SLC9A9: variants seen among roughly 807,000 people sequenced by gnomAD.
SLC9A9 encodes sodium/hydrogen exchanger 9.
Under a neutral mutation model 77.8 loss-of-function variants are expected in SLC9A9, and 62 were observed. That is an observed-to-expected ratio of 0.80 (90% CI 0.65 to 0.98). The LOEUF is 0.98. Among genes scored for constraint, SLC9A9 ranks in the 50% least tolerant of loss-of-function variants. The pLI is 0.00. For missense variants in SLC9A9, 775 were observed against 774.9 expected (o/e 1.00, Z 0.00); for synonymous variants, 320 against 283.5 (o/e 1.13, Z -1.29).
intron 9 of SLC9A9, among the ~76,000 whole-genome samples, chr3:143,539,813 A>C (rs547155010): frequency 6.6e-6 from 1 of 152,174 alleles, no homozygotes; most frequent in East Asian, 1.9e-4. Flanking sequence ...AAGGACATGA[A>C]ATTTATATGT....
chr3:143,382,150 C>T lies in SLC9A9; in HGVS notation c.1470-36G>A, dbSNP rs368676426. The T allele has an allele frequency of 1.2e-3, 1,894 of 1,611,418 alleles. 4 individuals are homozygous for T. Among genetic ancestry groups the T allele is most frequent in the Middle Eastern group, 2.1e-3 (13 of 6,078 alleles). Reference sequence around the variant, plus strand: ...AAACCAAAAACTGGTCAATCCCCTGCTGCAGAAGGAATGAGACAGTCTTGT... The same window carrying T: ...AAACCAAAAACTGGTCAATCCCCTGTTGCAGAAGGAATGAGACAGTCTTGT... On this transcript the variant is annotated intron_variant, in intron 12 of 15. Transcript: ENST00000316549.
At chr3:143,485,364 C>T (rs1419282786) in intron 11 of SLC9A9, among the ~76,000 whole-genome samples, 7 of 152,050 alleles carry the variant, frequency 4.6e-5, no homozygotes, top group Non-Finnish European at 8.8e-5. Flanking sequence ...TTTTCACCTT[C>T]GATTTTCTTT....
intron 13 of SLC9A9, among the ~76,000 whole-genome samples, chr3:143,376,270 G>A (rs997031594): frequency 2.6e-5 from 4 of 152,184 alleles, no homozygotes; most frequent in Non-Finnish European, 4.4e-5. Context: ...GGAGTTAACA[G>A]GGAAAGGATT....
At chr3:143,268,851 C>T (rs950952236) in intron 15 of SLC9A9, 24 bp downstream of exon 15, 2 of 1,579,504 alleles carry the variant, frequency 1.3e-6, no homozygotes, top group Non-Finnish European at 1.7e-6. Flanking sequence ...ATTCCCTCAC[C>T]CTAGAGGCCT....
chr3:143,628,220 C>A (rs1440943060), intron 6 of SLC9A9, among the ~76,000 whole-genome samples: 1 of 152,152 alleles, frequency 6.6e-6, no homozygotes, highest in Non-Finnish European at 1.5e-5. Flanking sequence ...GGTACAGATG[C>A]ACCTCCACTT....
chr3:143,683,861 G>C (rs1429899093), intron 5 of SLC9A9, among the ~76,000 whole-genome samples: 1 of 151,940 alleles, frequency 6.6e-6, no homozygotes, highest in African/African-American at 2.4e-5. Flanking sequence ...GAACTAACCA[G>C]GTAGGAAGAA....
chr3:143,807,495 T>C (rs570904913), intron 2 of SLC9A9, among the ~76,000 whole-genome samples: 3 of 152,304 alleles, frequency 2.0e-5, no homozygotes, highest in Admixed American at 2.0e-4. Flanking sequence ...ATGATCTATG[T>C]TCCTTCTATT....
At chr3:143,777,090 C>T (rs2007715940) in intron 4 of SLC9A9, among the ~76,000 whole-genome samples, 1 of 152,140 alleles carries the variant, frequency 6.6e-6, no homozygotes, top group African/African-American at 2.4e-5. Context: ...GGCCTCTTCT[C>T]TGACCCCATT....
intron 6 of SLC9A9, among the ~76,000 whole-genome samples, chr3:143,584,695 T>A (rs1480917544): frequency 6.6e-6 from 1 of 152,224 alleles, no homozygotes; most frequent in Non-Finnish European, 1.5e-5. Flanking sequence ...TTTTTTCCAA[T>A]CACTGCTTCC....
At chr3:143,337,522 C>T (rs927768262) in intron 14 of SLC9A9, among the ~76,000 whole-genome samples, 4 of 152,212 alleles carry the variant, frequency 2.6e-5, no homozygotes, top group Non-Finnish European at 4.4e-5. Flanking sequence ...GGCAGAGCAG[C>T]TCCTTCACAG....
At chr3:143,508,471 A>G (rs1442976137) in intron 9 of SLC9A9, among the ~76,000 whole-genome samples, 1 of 152,238 alleles carries the variant, frequency 6.6e-6, no homozygotes, top group Admixed American at 6.5e-5. Context: ...CCAGTGCTGC[A>G]CTTGTCTGAA....
At chr3:143,494,507 T>A (rs1348339541) in intron 10 of SLC9A9, among the ~76,000 whole-genome samples, 1 of 152,208 alleles carries the variant, frequency 6.6e-6, no homozygotes, top group African/African-American at 2.4e-5. Context: ...GAAAAGAGAC[T>A]AAGAAGCAAA....
chr3:143,561,414 A>G (rs1220833349), intron 8 of SLC9A9, among the ~76,000 whole-genome samples: 1 of 152,182 alleles, frequency 6.6e-6, no homozygotes, highest in Non-Finnish European at 1.5e-5. Flanking sequence ...GGGCATAAAA[A>G]TAGACCCAAT....
At chr3:143,777,965 G>A (rs965740232) in intron 4 of SLC9A9, among the ~76,000 whole-genome samples, 3 of 140,628 alleles carry the variant, frequency 2.1e-5, no homozygotes, top group Non-Finnish European at 3.0e-5. Flanking sequence ...CACCCGCCTT[G>A]GCCTCCCAAA....
At chr3:143,681,758 T>C (rs566044454) in intron 5 of SLC9A9, among the ~76,000 whole-genome samples, 1 of 152,356 alleles carries the variant, frequency 6.6e-6, no homozygotes. Flanking sequence ...TCTTTCTTTG[T>C]CAGCTTTTTG....
intron 5 of SLC9A9, among the ~76,000 whole-genome samples, chr3:143,671,751 A>C (rs983041220): frequency 1.3e-5 from 2 of 152,230 alleles, no homozygotes; most frequent in Non-Finnish European, 2.9e-5. Context: ...CACTGTGTGC[A>C]GGTTTGAAAT....
intron 13 of SLC9A9, chr3:143,381,191 A>G (rs1209532056): frequency 1.3e-5 from 2 of 152,174 alleles, no homozygotes; most frequent in African/African-American, 4.8e-5. Context: ...TGTTCCACTC[A>G]AACCTCATCT....
rs2033776270 is a variant in SLC9A9, at chr3:143,398,395, C to T, written c.1470-16281G>A. Among the ~76,000 whole-genome samples, 2 of 152,060 alleles carry T rather than the reference C, an allele frequency of 1.3e-5. 1 individual carries two copies. Among genetic ancestry groups the T allele is most frequent in the Admixed American group, 1.3e-4 (2 of 15,258 alleles). ...AAGCCTAAGGCCAACAAAGGTATCT[C>T]CACCATGAAGCGTGGAAGGCAGGCA... On this transcript the variant is annotated intron_variant, in intron 12 of 15. Coordinates refer to ENST00000316549, the MANE Select transcript of SLC9A9 (RefSeq NM_173653.4).
intron 4 of SLC9A9, among the ~76,000 whole-genome samples, chr3:143,729,082 T>C (rs1008836942): frequency 1.3e-5 from 2 of 152,172 alleles, no homozygotes; most frequent in African/African-American, 4.8e-5. Flanking sequence ...AGTTCCACCC[T>C]CACGCCTTAT....
Sources: allele counts gnomAD v4.1 joint callset (sites outside exome capture counted in the v4.1 genomes callset), GRCh38; gene constraint gnomAD v4.1.1; transcripts MANE v1.5; gene names NCBI Gene and HGNC (gene_info 2026-07-23, HGNC 2026-07-21).